The following PARN variants were observed in gnomAD, a reference collection of about 807,000 sequenced individuals.
PARN encodes poly(A)-specific ribonuclease, also known as poly(A)-specific ribonuclease PARN.
Under a neutral mutation model 102.8 loss-of-function variants are expected in PARN, and 71 were observed. The observed-to-expected ratio is 0.69, with a 90% CI of 0.57 to 0.84. The LOEUF is 0.84. Among genes scored for constraint, PARN ranks in the 40% least tolerant of loss-of-function variants. The pLI is 0.00. For synonymous variants in PARN, 261 were observed against 252.9 expected (o/e 1.03, Z -0.30); for missense variants, 782 against 760.9 (o/e 1.03, Z -0.33).
chr16:14,563,014 A>G (rs749362074), intron 18 of PARN, among the ~76,000 whole-genome samples: 1 of 152,230 alleles, frequency 6.6e-6, no homozygotes, highest in Non-Finnish European at 1.5e-5. Context: ...CATTTCACGC[A>G]GCTATGCTCA....
At chr16:14,455,334 G>C (rs1596445859) in intron 22 of PARN, among the ~76,000 whole-genome samples, 2 of 152,176 alleles carry the variant, frequency 1.3e-5, no homozygotes, top group Admixed American at 1.3e-4. Context: ...CCTTGATTTT[G>C]CTCTTAAAAT....
At chr16:14,541,058 C>T (rs1176627050) in intron 21 of PARN, among the ~76,000 whole-genome samples, 2 of 150,154 alleles carry the variant, frequency 1.3e-5, no homozygotes, top group African/African-American at 2.5e-5. Context: ...TGGGAGGCTG[C>T]GGCAAGTGGA....
At chr16:14,561,096 G>A (rs1968028227) in intron 18 of PARN, among the ~76,000 whole-genome samples, 1 of 150,448 alleles carries the variant, frequency 6.6e-6, no homozygotes, top group African/African-American at 2.5e-5. Flanking sequence ...GGCGAAGGCT[G>A]CAGTGAGCCG....
At chr16:14,437,714 C>T (rs1960763752) in intron 23 of PARN, among the ~76,000 whole-genome samples, 1 of 152,204 alleles carries the variant, frequency 6.6e-6, no homozygotes. Context: ...CTGGCAGTCT[C>T]TCTTCTAGCT....
intron 3 of PARN, 54 bp from the exon 4 acceptor site, chr16:14,627,390 G>T: frequency 7.8e-7 from 1 of 1,285,982 alleles, no homozygotes; most frequent in Non-Finnish European, 1.1e-6. Context: ...TTCCATGTGA[G>T]CATAGCATTC....
intron 14 of PARN, 93 bp from the exon 15 acceptor site, chr16:14,584,884 C>T: frequency 3.1e-6 from 2 of 645,614 alleles, no homozygotes; most frequent in South Asian, 2.1e-5. Context: ...ATACTTCATA[C>T]ATAAAAAACA....
chr16:14,444,401 G>A (rs1961098436), intron 23 of PARN, among the ~76,000 whole-genome samples: 1 of 151,418 alleles, frequency 6.6e-6, no homozygotes, highest in African/African-American at 2.4e-5. Flanking sequence ...CTGTCAATGG[G>A]AGGAAAAAAA....
In PARN at chr16:14,435,778, A is replaced by C. The variant is rs1960654294; in HGVS notation, c.*939T>G. On this transcript the variant is annotated 3_prime_UTR_variant, in exon 24 of 24. Coordinates refer to ENST00000437198, the MANE Select transcript of PARN (RefSeq NM_002582.4). ...TATTTCCACCATACAAAAATGTGAA[A>C]TATCTAACAATGATCTATCTGAAGC... 1.3e-5 allele frequency: 2 copies of C among 152,130 alleles called. No individual in the cohort carries two copies. Among genetic ancestry groups the C allele is most frequent in the Non-Finnish European group, 2.9e-5 (2 of 68,024 alleles). The allele number at this position is 152,130 out of a possible 1,614,324, so 9.4% of individuals were successfully genotyped here. A position where few individuals can be genotyped will look rare whatever the true frequency, so the allele number is the denominator to read the frequency against.
At chr16:14,576,819 A>T (rs1000155044) in intron 18 of PARN, among the ~76,000 whole-genome samples, 6 of 152,208 alleles carry the variant, frequency 3.9e-5, no homozygotes, top group African/African-American at 1.4e-4. Context: ...CCAGGCCATG[A>T]AAAAGACAAA....
At chr16:14,523,091 A>C (rs1047433021) in intron 21 of PARN, among the ~76,000 whole-genome samples, 1 of 152,158 alleles carries the variant, frequency 6.6e-6, no homozygotes, top group Non-Finnish European at 1.5e-5. Context: ...AAAAAAGGAA[A>C]ACCTTGACAT....
chr16:14,470,733 A>AC, intron 22 of PARN, among the ~76,000 whole-genome samples: 1 of 152,156 alleles, frequency 6.6e-6, no homozygotes, highest in South Asian at 2.1e-4. Flanking sequence ...GGCTGGGATT[A>AC]TAGGCATGAG....
intron 9 of PARN, 119 bp downstream of exon 9, chr16:14,608,162 T>G (rs1490612539): frequency 2.8e-6 from 2 of 720,876 alleles, no homozygotes; most frequent in African/African-American, 1.8e-5. Context: ...GGGAACTTCA[T>G]GTAGTCAAAT....
intron 22 of PARN, among the ~76,000 whole-genome samples, chr16:14,477,504 G>A (rs1045087386): frequency 1.3e-5 from 2 of 151,154 alleles, no homozygotes; most frequent in African/African-American, 2.4e-5. Flanking sequence ...CAGGCTGGGC[G>A]CGATGGCTCA....
intron 2 of PARN, among the ~76,000 whole-genome samples, chr16:14,628,731 A>C (rs1396718332): frequency 6.6e-6 from 1 of 152,228 alleles, no homozygotes; most frequent in African/African-American, 2.4e-5. Context: ...AGTGATTCCA[A>C]CTAGACACTA....
chr16:14,491,013 T>C lies in PARN; in HGVS notation c.1481-8186A>G, dbSNP rs535586003. Among the ~76,000 whole-genome samples the C allele has an allele frequency of 2.6e-5, 4 of 152,132 alleles. No homozygotes were observed. In the South Asian group the frequency reaches 8.3e-4, roughly 32 times the overall value. On this transcript the variant is annotated intron_variant, in intron 21 of 23. Transcript: ENST00000437198. The stretch of plus-strand genomic sequence containing the variant: ...GTTCAGAAAAATGATCTCAGATGTA[T>C]TTCCCCTTAACCCATCTAAGGAACT...
intron 22 of PARN, among the ~76,000 whole-genome samples, chr16:14,479,117 A>G (rs1260509792): frequency 6.6e-6 from 1 of 152,194 alleles, no homozygotes; most frequent in Non-Finnish European, 1.5e-5. Flanking sequence ...TTTGAAAATG[A>G]CATTTAAGAA....
intron 21 of PARN, among the ~76,000 whole-genome samples, chr16:14,543,698 G>A (rs1966855056): frequency 6.6e-6 from 1 of 152,052 alleles, no homozygotes; most frequent in Admixed American, 6.6e-5. Context: ...AAACAAAAAA[G>A]CCAGCAGAGA....
intron 21 of PARN, among the ~76,000 whole-genome samples, chr16:14,504,169 A>C (rs926443094): frequency 6.6e-6 from 1 of 152,224 alleles, no homozygotes; most frequent in Non-Finnish European, 1.5e-5. Flanking sequence ...AGGATACGTA[A>C]ATTTTTAAAT....
chr16:14,480,969 A>AAATG (rs1963347757), intron 22 of PARN, among the ~76,000 whole-genome samples: 1 of 151,930 alleles, frequency 6.6e-6, no homozygotes, highest in Admixed American at 6.6e-5. Flanking sequence ...ATAAATAAAT[A>AAATG]AATAACATAA....
Sources: gnomAD v4.1 joint callset for allele counts (sites outside exome capture counted in the v4.1 genomes callset) on GRCh38, gnomAD v4.1.1 for gene constraint, MANE v1.5 for transcripts, NCBI Gene and HGNC (gene_info 2026-07-23, HGNC 2026-07-21) for gene names.